CHUK: variants seen among roughly 807,000 people sequenced by gnomAD.
CHUK encodes the protein inhibitor of nuclear factor kappa-B kinase subunit alpha.
Under a neutral mutation model 104.8 loss-of-function variants are expected in CHUK, and 35 were observed. That is an observed-to-expected ratio of 0.33 (90% CI 0.26 to 0.44). The LOEUF is 0.44. Among genes scored for constraint, CHUK ranks in the 20% least tolerant of loss-of-function variants. The probability of loss-of-function intolerance (pLI) is 1.00; values close to 1 mark genes in which losing one functional copy is unlikely to be tolerated. For missense variants in CHUK, 663 were observed against 902.7 expected (o/e 0.73, Z 3.40); for synonymous variants, 276 against 291.9 (o/e 0.95, Z 0.56).
chr10:100,193,102 A>G, intron 19 of CHUK, 196 bp downstream of exon 19: 3 of 631,282 alleles, frequency 4.8e-6, no homozygotes, highest in Non-Finnish European at 5.6e-6. Flanking sequence ...CAGCAGTTCT[A>G]TGAGACATTC....
intron 11 of CHUK, among the ~76,000 whole-genome samples, chr10:100,206,276 A>G (rs1845589452): frequency 6.6e-6 from 1 of 151,916 alleles, no homozygotes; most frequent in Admixed American, 6.6e-5. Context: ...TAAATATTTT[A>G]TGTTTTTTAT....
intron 16 of CHUK, 163 bp from the exon 17 acceptor site, chr10:100,194,684 C>A: frequency 1.9e-6 from 1 of 527,554 alleles, no homozygotes; most frequent in Non-Finnish European, 3.4e-6. Context: ...ATAAAGATTA[C>A]CTATAAATAA....
At chr10:100,204,993 T>G (rs186407951) in intron 12 of CHUK, 83 bp downstream of exon 12, 5 of 1,482,954 alleles carry the variant, frequency 3.4e-6, no homozygotes, top group Non-Finnish European at 4.7e-6. Flanking sequence ...ACATGCAATA[T>G]TGATTAGTGA....
chr10:100,190,748 T>G (rs1436965930), intron 20 of CHUK, 121 bp downstream of exon 20: 6 of 767,968 alleles, frequency 7.8e-6, no homozygotes, highest in African/African-American at 1.7e-5. Context: ...AAATGCTCTT[T>G]CCTCTTGAGT....
intron 18 of CHUK, 64 bp downstream of exon 18, chr10:100,193,920 T>A (rs1489195124): frequency 6.9e-7 from 1 of 1,456,328 alleles, no homozygotes; most frequent in African/African-American, 1.4e-5. Context: ...CTGATAAAAA[T>A]CCCCTTTGCA....
intron 10 of CHUK, among the ~76,000 whole-genome samples, chr10:100,209,260 C>G (rs1218594176): frequency 1.3e-5 from 2 of 152,164 alleles, no homozygotes; most frequent in African/African-American, 4.8e-5. Flanking sequence ...AGGCCTTCTA[C>G]CTGTAACTGG....
intron 1 of CHUK, among the ~76,000 whole-genome samples, chr10:100,228,555 C>G (rs2134257525): frequency 6.6e-6 from 1 of 151,908 alleles, no homozygotes; most frequent in Non-Finnish European, 1.5e-5. Flanking sequence ...ACTCAGGAGG[C>G]TGTGGCAGGA....
Position 100,189,562 on chromosome 10 carries a change from C to A in CHUK, c.*36G>T. 1 of 1,578,140 alleles carries A rather than the reference C, an allele frequency of 6.3e-7. No homozygotes were observed. The highest frequency in any genetic ancestry group is 8.7e-7 in the Non-Finnish European group (1 of 1,147,292). On this transcript the variant is annotated 3_prime_UTR_variant, in exon 21 of 21. Coordinates refer to ENST00000370397, the MANE Select transcript of CHUK (RefSeq NM_001278.5). ...ACATTTCCAACATGTATAGCAACAA[C>A]TTCCATAGGTTTGGGGACAGTGAAC...
In CHUK at chr10:100,193,354, G is replaced by A; in HGVS notation, c.2052C>T (p.Pro684=). ...AVTPQTSAWL[P]PTSAEHDHSL... ...AATGATCATGTTCTGCTGAAGTCGG[G>A]GGCAGCCATGCTGATGTCTGAGGGG... is the stretch of plus-strand genomic sequence containing the variant. The change falls in exon 19 of 21, where the codon CCC becomes CCT. Residue 684 remains proline, a synonymous_variant. Coordinates refer to ENST00000370397, the MANE Select transcript of CHUK (RefSeq NM_001278.5). The A allele has an allele frequency of 1.2e-6, 2 of 1,614,092 alleles. No homozygotes were observed. The highest frequency in any genetic ancestry group is 1.7e-6 in the Non-Finnish European group (2 of 1,179,982).
chr10:100,200,653 A>C lies in CHUK; in HGVS notation c.1679+18T>G, dbSNP rs755747637. Reference sequence around the variant, plus strand: ...AATATTACAGATGTCAAGACCAACAACACAAGTGCATCCTTACAGAGATTC... The same window carrying C: ...AATATTACAGATGTCAAGACCAACACCACAAGTGCATCCTTACAGAGATTC... On this transcript the variant is annotated intron_variant, in intron 15 of 20. Transcript: ENST00000370397. 2.6e-6 allele frequency: 3 copies of C among 1,144,348 alleles called. No homozygotes were observed. In the African/African-American group the frequency reaches 4.6e-5, roughly 17 times the overall value. 70.9% of individuals were successfully genotyped at this position (1,144,348 alleles called of 1,614,324 possible).
chr10:100,199,285 T>C (rs150850861), intron 16 of CHUK, among the ~76,000 whole-genome samples: 4 of 152,292 alleles, frequency 2.6e-5, no homozygotes, highest in Non-Finnish European at 4.4e-5. Flanking sequence ...AACCATTCCA[T>C]ACCTGAACCC....
chr10:100,224,363 C>G (rs1361028388), intron 2 of CHUK, among the ~76,000 whole-genome samples: 1 of 152,164 alleles, frequency 6.6e-6, no homozygotes, highest in South Asian at 2.1e-4. Flanking sequence ...TAAGCCACTC[C>G]CAAATTCCTA....
rs1845552431 is a variant in CHUK, at chr10:100,204,784, A to G, written c.1356-127T>C. On this transcript the variant is annotated intron_variant, in intron 12 of 20. Transcript: ENST00000370397. ...CCTAAGTTTCTATTATCAATCTATG[A>G]GAAATAACTGAGCTCTAGAATCTGA... 3.1e-5 allele frequency: 25 copies of G among 814,310 alleles called. 1 individual carries two copies. In the South Asian group the frequency reaches 4.0e-4, roughly 13 times the overall value. 50.4% of individuals were successfully genotyped at this position (814,310 alleles called of 1,614,324 possible). A position where few individuals can be genotyped will look rare whatever the true frequency, so the allele number is the denominator to read the frequency against.
At chr10:100,210,360 T>C (rs1845702419) in intron 9 of CHUK, among the ~76,000 whole-genome samples, 1 of 152,078 alleles carries the variant, frequency 6.6e-6, no homozygotes, top group Non-Finnish European at 1.5e-5. Flanking sequence ...GTGCTGGGAT[T>C]ACAGGCGTGA....
intron 2 of CHUK, among the ~76,000 whole-genome samples, chr10:100,223,215 A>AT: frequency 6.6e-6 from 1 of 152,226 alleles, no homozygotes; most frequent in Non-Finnish European, 1.5e-5. Context: ...AGCAGTAAAC[A>AT]TTTTAAATAT....
Position 100,193,387 on chromosome 10 carries a change from A to C in CHUK, c.2019T>G (p.Gly673=). The change falls in exon 19 of 21, where the codon GGT becomes GGG. Residue 673 remains glycine, a synonymous_variant. Coordinates refer to ENST00000370397, the MANE Select transcript of CHUK (RefSeq NM_001278.5). ...ATGCTGATGTCTGAGGGGTTACTGC[A>C]CCTTCTAGACTGGATCCTACAAGGG... ...ARSLVGSSLE[G]AVTPQTSAWL... is the part of the protein sequence containing the mutation. 1 of 1,614,080 alleles carries C rather than the reference A, an allele frequency of 6.2e-7. No individual in the cohort carries two copies. The highest frequency in any genetic ancestry group is 2.2e-5 in the East Asian group (1 of 44,876).
At chr10:100,190,726 A>T in intron 20 of CHUK, 143 bp downstream of exon 20, 1 of 730,690 alleles carries the variant, frequency 1.4e-6, no homozygotes, top group Non-Finnish European at 2.5e-6. Context: ...TTTAAGGTTG[A>T]GGATATTCCC....
At chr10:100,217,869 C>T in intron 9 of CHUK, 126 bp downstream of exon 9, 1 of 1,021,486 alleles carries the variant, frequency 9.8e-7, no homozygotes, top group Admixed American at 2.0e-5. Context: ...AGAGTGAGAC[C>T]CTGTCTCAAA....
chr10:100,222,034 T>C (rs768385159), intron 4 of CHUK, 78 bp downstream of exon 4: 21 of 756,880 alleles, frequency 2.8e-5, no homozygotes, highest in Non-Finnish European at 4.7e-5. Flanking sequence ...TATCAACAAT[T>C]CTCCTGAATT....
Sources: allele counts gnomAD v4.1 joint callset (sites outside exome capture counted in the v4.1 genomes callset), GRCh38; gene constraint gnomAD v4.1.1; transcripts MANE v1.5; gene names NCBI Gene and HGNC (gene_info 2026-07-23, HGNC 2026-07-21).